The following UNC13C variants were observed in gnomAD, a reference collection of about 807,000 sequenced individuals.
The protein encoded by UNC13C is protein unc-13 homolog C.
A neutral mutation model predicts 245.4 loss-of-function variants in UNC13C; 174 were observed. The ratio of observed to expected loss-of-function variants is 0.71; its 90% CI spans 0.63 to 0.80. The LOEUF (loss-of-function observed/expected upper bound fraction) is 0.80. Ranked by LOEUF, UNC13C falls within the 30% of genes least tolerant of loss-of-function variation. The pLI, the probability that UNC13C is intolerant of heterozygous loss-of-function variation, is 0.00. For synonymous variants in UNC13C, 992 were observed against 895.1 expected, an observed-to-expected ratio of 1.11 and a Z score of -1.93; for missense variants, 2,829 against 2,602.9, an observed-to-expected ratio of 1.09 and a Z score of -1.89.
At chr15:54,452,442 G>A (rs961559935) in intron 19 of UNC13C, among the ~76,000 whole-genome samples, 1 of 152,168 alleles carries the variant, frequency 6.6e-6, no homozygotes, top group Non-Finnish European at 1.5e-5. Context: ...CACAGGTGGT[G>A]TATAGGGGTG....
chr15:53,901,180 A>T, the UNC13C span, among the ~76,000 whole-genome samples: 1 of 150,508 alleles, frequency 6.6e-6, no homozygotes, highest in Non-Finnish European at 1.5e-5. Context: ...TAAATTAAAG[A>T]TTCTTAGTAA....
chr15:54,200,681 G>A (rs2034495004), intron 4 of UNC13C, among the ~76,000 whole-genome samples: 1 of 151,992 alleles, frequency 6.6e-6, no homozygotes, highest in Non-Finnish European at 1.5e-5. Flanking sequence ...GTGGTGCTAA[G>A]AGGAAAGTTC....
rs191282617 is a variant in UNC13C at position 54,536,456 on chromosome 15, G to T, written c.5696+3390G>T. On this transcript the variant is annotated intron_variant, in intron 26 of 32. Coordinates refer to ENST00000260323, the MANE Select transcript of UNC13C (RefSeq NM_001080534.3). ...TGAAACTATTCCAAAAATTGAGGAGGAGGTACTACTCCACAACTCATTCAA... is the reference window on the plus strand; with the variant it reads ...TGAAACTATTCCAAAAATTGAGGAGTAGGTACTACTCCACAACTCATTCAA... 2.9e-3 allele frequency among the ~76,000 whole-genome samples: 436 copies of T among 152,066 alleles called. 1 individual carries two copies. Among genetic ancestry groups the T allele is most frequent in the Non-Finnish European group, 4.8e-3 (325 of 67,942 alleles).
chr15:54,099,027 C>T (rs1432118575), intron 2 of UNC13C, among the ~76,000 whole-genome samples: 2 of 152,224 alleles, frequency 1.3e-5, no homozygotes, highest in Non-Finnish European at 1.5e-5. Flanking sequence ...CCAAATAATT[C>T]TCCTGAGAGA....
chr15:53,896,247 A>T, the UNC13C span, among the ~76,000 whole-genome samples: 2 of 152,096 alleles, frequency 1.3e-5, no homozygotes, highest in East Asian at 3.9e-4. Context: ...ACTTGTAAGA[A>T]ATGTAAAAAA....
In UNC13C at chr15:54,013,506, C is replaced by A. The variant is rs1375308159; in HGVS notation, c.603C>A (p.Ser201Arg). The change falls in exon 2 of 33, where the codon AGC becomes AGA. Residue 201 changes from serine (S) to arginine (R), a missense_variant. Physicochemically the swap from Ser to Arg is moderately radical, Grantham distance 110 (BLOSUM62 -1). Transcript: ENST00000260323. The part of the protein sequence containing the change: ...QECVSSDSEL[S>R]TMKKSWGIRS... ...GTGTCTCCTCAGACTCAGAGTTAAG[C>A]ACCATGAAAAAATCCTGGGGAATAA... 6.2e-7 allele frequency: 1 copy of A among 1,613,788 alleles called. No individual in the cohort carries two copies.
intron 26 of UNC13C, among the ~76,000 whole-genome samples, chr15:54,536,127 A>C (rs1895972273): frequency 6.6e-6 from 1 of 152,100 alleles, no homozygotes; most frequent in African/African-American, 2.4e-5. Flanking sequence ...AAATAAACAC[A>C]ATCAGAAATG....
At chr15:54,271,167 GAGAGAAC>G (rs1567149855) in intron 10 of UNC13C, among the ~76,000 whole-genome samples, 1 of 152,114 alleles carries the variant, frequency 6.6e-6, no homozygotes, top group Non-Finnish European at 1.5e-5. Context: ...ACAGCATTTG[GAGAGAAC>G]AGAGGCATAA....
intron 11 of UNC13C, among the ~76,000 whole-genome samples, chr15:54,295,519 C>T (rs925713475): frequency 2.0e-5 from 3 of 151,950 alleles, no homozygotes; most frequent in Non-Finnish European, 2.9e-5. Flanking sequence ...AGCATGGTGC[C>T]ATGTGCCTGT....
chr15:54,166,200 G>C (rs1164250086), intron 4 of UNC13C, among the ~76,000 whole-genome samples: 1 of 151,840 alleles, frequency 6.6e-6, no homozygotes, highest in Non-Finnish European at 1.5e-5. Context: ...TCTGCCTTTA[G>C]ATAATGCTTA....
chr15:54,512,360 G>T (rs757709836), intron 24 of UNC13C: 1 of 455,838 alleles, frequency 2.2e-6, no homozygotes, highest in South Asian at 1.5e-5. Flanking sequence ...GAAGGAAGGA[G>T]AAAGATTCTT....
At chr15:54,450,383 G>A (rs1026522628) in intron 19 of UNC13C, among the ~76,000 whole-genome samples, 4 of 152,246 alleles carry the variant, frequency 2.6e-5, no homozygotes, top group African/African-American at 9.6e-5. Context: ...AGTCTACAGA[G>A]GCCGGCAGGC....
rs529155535 is a variant in UNC13C at position 54,500,282 on chromosome 15, C to G, written c.5157+107C>G. The G allele has an allele frequency of 3.1e-5, 25 of 815,672 alleles. No individual in the cohort carries two copies. In the East Asian group the frequency reaches 5.4e-4, roughly 18 times the overall value. The allele number at this position is 815,672 out of a possible 1,614,324, so 50.5% of individuals were successfully genotyped here. A position where few individuals can be genotyped will look rare whatever the true frequency, so the allele number is the denominator to read the frequency against. The stretch of plus-strand genomic sequence containing the variant: ...CTCATTGTTATTAATTGTTTCCATT[C>G]CCCAGTGACCAAAATTAATTTAAAA... On this transcript the variant is annotated intron_variant, in intron 21 of 32. Transcript: ENST00000260323.
At chr15:54,418,344 C>G (rs1287485196) in intron 19 of UNC13C, among the ~76,000 whole-genome samples, 1 of 152,016 alleles carries the variant, frequency 6.6e-6, no homozygotes, top group Non-Finnish European at 1.5e-5. Flanking sequence ...AATACAAAGT[C>G]GAAAAATATT....
chr15:53,842,246 C>T, the UNC13C span, among the ~76,000 whole-genome samples: 997 of 152,196 alleles, frequency 6.6e-3, 6 homozygotes, highest in Non-Finnish European at 1.0e-2. Flanking sequence ...AATTTAATTC[C>T]TCTGACTTTT....
At position 54,265,338 on chromosome 15, in the gene UNC13C, A is replaced by C. The variant is rs1226912241; in HGVS notation, c.3677-17A>C. ...GAGGACTCTGTATGTTAAAATGTTT[A>C]TTTTGGTTTATTTCAGTGGTTTCTG... On this transcript the variant is annotated splice_polypyrimidine_tract_variant and intron_variant, in intron 9 of 32. Coordinates refer to ENST00000260323, the MANE Select transcript of UNC13C (RefSeq NM_001080534.3). 1 of 1,458,960 alleles carries C rather than the reference A, an allele frequency of 6.9e-7. No homozygotes were observed. The highest frequency in any genetic ancestry group is 9.1e-7 in the Non-Finnish European group (1 of 1,099,936). The allele number at this position is 1,458,960 out of a possible 1,614,324, so 90.4% of individuals were successfully genotyped here.
the UNC13C span, among the ~76,000 whole-genome samples, chr15:53,918,475 A>T: frequency 1.3e-5 from 2 of 152,210 alleles, no homozygotes; most frequent in Non-Finnish European, 2.9e-5. Context: ...TTCATAGTTT[A>T]CAAAGTCTCC....
intron 19 of UNC13C, among the ~76,000 whole-genome samples, chr15:54,444,127 C>A (rs1300124622): frequency 1.3e-5 from 2 of 151,664 alleles, no homozygotes; most frequent in Middle Eastern, 3.2e-3. Context: ...TCTGGATGAT[C>A]CCTTATCATT....
At chr15:54,117,523 T>TTCTCTCTCTCTCTCTC (rs56332846) in intron 2 of UNC13C, among the ~76,000 whole-genome samples, 6 of 102,108 alleles carry the variant, frequency 5.9e-5, no homozygotes, top group African/African-American at 2.0e-4. Context: ...ACTATTATGT[T>TTCTCTCTCTCTCTCTC]TCTCTCTCTC....
Sources: gnomAD v4.1 joint callset for allele counts (sites outside exome capture counted in the v4.1 genomes callset) on GRCh38, gnomAD v4.1.1 for gene constraint, MANE v1.5 for transcripts, NCBI Gene and HGNC (gene_info 2026-07-23, HGNC 2026-07-21) for gene names.